TLK1: variants seen among roughly 807,000 people sequenced by gnomAD.
TLK1 encodes the protein serine/threonine-protein kinase tousled-like 1.
Under a neutral mutation model 105.3 loss-of-function variants are expected in TLK1, and 24 were observed. The observed-to-expected ratio is 0.23, with a 90% CI of 0.17 to 0.32. The LOEUF (loss-of-function observed/expected upper bound fraction) is 0.32, where lower values mean the gene tolerates loss of function less well. Among genes scored for constraint, TLK1 ranks in the 10% least tolerant of loss-of-function variants. TLK1 has a pLI of 1.00. For synonymous variants in TLK1, 321 were observed against 310.4 expected (o/e 1.03, Z -0.36); for missense variants, 558 against 910.5 (o/e 0.61, Z 4.98).
At chr2:171,208,490 T>C (rs561077794) in intron 1 of TLK1, among the ~76,000 whole-genome samples, 1 of 152,268 alleles carries the variant, frequency 6.6e-6, no homozygotes, top group African/African-American at 2.4e-5. Flanking sequence ...AGTTCTCCTC[T>C]CCGTGCTTAA....
At chr2:171,121,618 A>G (rs922232973) in intron 1 of TLK1, among the ~76,000 whole-genome samples, 6 of 152,220 alleles carry the variant, frequency 3.9e-5, no homozygotes, top group Non-Finnish European at 8.8e-5. Flanking sequence ...TGGTTACAAA[A>G]TGAAAAGGTA....
At chr2:171,089,815 G>A (rs571206775) in intron 2 of TLK1, among the ~76,000 whole-genome samples, 8 of 152,114 alleles carry the variant, frequency 5.3e-5, no homozygotes, top group South Asian at 2.1e-4. Flanking sequence ...CTGGGATTAC[G>A]GGCACAAGCC....
At position 171,160,722 on chromosome 2, in the gene TLK1, G is replaced by T; in HGVS notation, c.-294C>A. 2.2e-6 allele frequency: 1 copy of T among 463,066 alleles called. No homozygotes were observed. 28.7% of individuals were successfully genotyped at this position (463,066 alleles called of 1,614,324 possible). A position where few individuals can be genotyped will look rare whatever the true frequency, so the allele number is the denominator to read the frequency against. On this transcript the variant is annotated 5_prime_UTR_variant, in exon 1 of 21. Transcript: ENST00000431350. The surrounding 1 kb of genome is among the most constrained non-coding windows in gnomAD (Gnocchi z 4.4). Reference sequence around the variant, plus strand: ...GCGCGGCGGCGGAGGCGTCGAGGGGGTGCCAGCCGGGCCGGGGTCGGAGCG... The same window carrying T: ...GCGCGGCGGCGGAGGCGTCGAGGGGTTGCCAGCCGGGCCGGGGTCGGAGCG...
chr2:171,058,102 G>A (rs571253711), intron 5 of TLK1, 49 bp downstream of exon 5: 101 of 1,584,374 alleles, frequency 6.4e-5, no homozygotes, highest in Non-Finnish European at 8.5e-5. Flanking sequence ...CTAGCTCACA[G>A]CAGAATAGTA....
Position 171,160,742 on chromosome 2 carries a change from G to T in TLK1, c.-314C>A, listed in dbSNP as rs1692460417. 25 of 430,990 alleles carry T rather than the reference G, an allele frequency of 5.8e-5. No homozygotes were observed. In the East Asian group the frequency reaches 8.9e-4, roughly 15 times the overall value. The allele number at this position is 430,990 out of a possible 1,614,324, so 26.7% of individuals were successfully genotyped here. A position where few individuals can be genotyped will look rare whatever the true frequency, so the allele number is the denominator to read the frequency against. ...AGGGGGTGCCAGCCGGGCCGGGGTC[G>T]GAGCGCGGGCGGAGCGCGGGCTGCG... On this transcript the variant is annotated 5_prime_UTR_variant, in exon 1 of 21. Transcript: ENST00000431350. This position sits in a 1 kb window ranked among gnomAD's most constrained non-coding sequence, Gnocchi z 4.4.
chr2:171,040,191 A>G (rs1686593939), intron 11 of TLK1, among the ~76,000 whole-genome samples: 1 of 152,244 alleles, frequency 6.6e-6, no homozygotes. Context: ...ATAAGCCTCA[A>G]TAAGTAATTG....
intron 8 of TLK1, among the ~76,000 whole-genome samples, chr2:171,050,843 G>A (rs1687204133): frequency 6.6e-6 from 1 of 152,112 alleles, no homozygotes; most frequent in African/African-American, 2.4e-5. Flanking sequence ...AGATTACTGG[G>A]AACCATTCCC....
intron 1 of TLK1, among the ~76,000 whole-genome samples, chr2:171,122,034 C>T (rs911667486): frequency 5.3e-5 from 8 of 152,214 alleles, no homozygotes; most frequent in African/African-American, 9.6e-5. Flanking sequence ...GCAACCTCCA[C>T]CTCCTGGGTT....
chr2:171,138,222 A>T (rs183443224), intron 1 of TLK1, among the ~76,000 whole-genome samples: 5 of 152,346 alleles, frequency 3.3e-5, no homozygotes, highest in African/African-American at 1.2e-4. Context: ...CTGGCCATGT[A>T]CACATTTGTT....
intron 2 of TLK1, among the ~76,000 whole-genome samples, chr2:171,098,481 A>T (rs1689548537): frequency 6.6e-6 from 1 of 152,204 alleles, no homozygotes; most frequent in Non-Finnish European, 1.5e-5. Flanking sequence ...TAAAACAAGA[A>T]AACGAATAAA....
chr2:171,139,411 G>A (rs756006334), intron 1 of TLK1, among the ~76,000 whole-genome samples: 10 of 151,878 alleles, frequency 6.6e-5, no homozygotes, highest in Non-Finnish European at 1.0e-4. Flanking sequence ...CAGCCTGGAC[G>A]ACAAGGCGAA....
intron 12 of TLK1, among the ~76,000 whole-genome samples, 172 bp downstream of exon 12, chr2:171,028,167 A>T (rs1387673597): frequency 6.6e-6 from 1 of 152,186 alleles, no homozygotes; most frequent in Non-Finnish European, 1.5e-5. Flanking sequence ...AAAAATAAAA[A>T]TACTAATAAA....
At chr2:170,996,836 A>G in intron 19 of TLK1, 76 bp from the exon 20 acceptor site, 1 of 1,284,102 alleles carries the variant, frequency 7.8e-7, no homozygotes, top group South Asian at 1.4e-5. Context: ...TGTTTAAGCG[A>G]ATTCCCAAAA....
chr2:171,174,953 A>G lies in TLK1; in HGVS notation c.-6+56192T>C, dbSNP rs1245257368. Among the ~76,000 whole-genome samples the G allele has an allele frequency of 2.0e-5, 3 of 152,314 alleles. No individual in the cohort carries two copies. In the South Asian group the frequency reaches 6.2e-4, roughly 32 times the overall value. On this transcript the variant is annotated intron_variant, in intron 1 of 20. Transcript: ENST00000521943. ...TGACTCCCAACTTCACTCAGTAAGT[A>G]CAATCAAGGCTGGGTGAAGTAGCTC...
At chr2:171,060,956 A>T in intron 4 of TLK1, 125 bp downstream of exon 4, 1 of 842,334 alleles carries the variant, frequency 1.2e-6, no homozygotes, top group Non-Finnish European at 1.8e-6. Flanking sequence ...TACACTAACT[A>T]CCTGTGCACA....
chr2:171,212,891 T>G (rs1204609554), intron 1 of TLK1, among the ~76,000 whole-genome samples: 1 of 13,772 alleles, frequency 7.3e-5, no homozygotes, highest in Non-Finnish European at 2.9e-4. Flanking sequence ...AAAAGCGTTT[T>G]GTTTTTTTTT....
rs1391047593 is a variant in TLK1, at chr2:171,028,422, T to A, written c.1170-17A>T. The A allele has an allele frequency of 1.3e-6, 2 of 1,548,770 alleles. No individual in the cohort carries two copies. Among genetic ancestry groups the A allele is most frequent in the Non-Finnish European group, 1.8e-6 (2 of 1,123,008 alleles). ...AAAGTCAACCTGTCAAAAATGAAATTTTAATTCTACATATTGAGATTAATA... is the reference window on the plus strand; with the variant it reads ...AAAGTCAACCTGTCAAAAATGAAATATTAATTCTACATATTGAGATTAATA... On this transcript the variant is annotated splice_polypyrimidine_tract_variant and intron_variant, in intron 11 of 20. Coordinates refer to ENST00000431350, the MANE Select transcript of TLK1 (RefSeq NM_012290.5).
intron 8 of TLK1, among the ~76,000 whole-genome samples, chr2:171,051,603 A>G (rs1348732990): frequency 6.6e-6 from 1 of 152,232 alleles, no homozygotes; most frequent in African/African-American, 2.4e-5. Context: ...CTGAGGAGTA[A>G]TAATATCTGA....
chr2:171,147,640 T>C (rs963495882), intron 1 of TLK1, among the ~76,000 whole-genome samples: 10 of 152,200 alleles, frequency 6.6e-5, no homozygotes, highest in Admixed American at 5.9e-4. Flanking sequence ...GACCAAATAC[T>C]ATCTGAATAA....
Sources: allele counts gnomAD v4.1 joint callset (sites outside exome capture counted in the v4.1 genomes callset), GRCh38; gene constraint gnomAD v4.1.1; non-coding constraint Gnocchi (gnomAD v3.1); transcripts MANE v1.5; gene names NCBI Gene and HGNC (gene_info 2026-07-23, HGNC 2026-07-21).